The following GOLGB1 variants were observed in gnomAD, a reference collection of about 807,000 sequenced individuals.
GOLGB1 encodes the protein golgin B1.
A neutral mutation model predicts 336.9 loss-of-function variants in GOLGB1; 174 were observed. That is an observed-to-expected ratio of 0.52 (90% confidence interval 0.46 to 0.59). GOLGB1 has a LOEUF of 0.59. Among genes scored for constraint, GOLGB1 ranks in the 20% least tolerant of loss-of-function variants. GOLGB1 has a pLI of 0.00. For missense variants in GOLGB1, 3,331 were observed against 3,645.3 expected (o/e 0.91, Z 2.22); for synonymous variants, 1,208 against 1,289.2 (o/e 0.94, Z 1.35).
chr3:121,744,441 C>CAAAAAAAA (rs11290154), intron 1 of GOLGB1, among the ~76,000 whole-genome samples: 2 of 73,096 alleles, frequency 2.7e-5, no homozygotes, highest in African/African-American at 5.3e-5. Context: ...ACTGTCTCTA[C>CAAAAAAAA]AAAAAAAAAA....
At chr3:121,683,230 C>T (rs1438432728) in intron 14 of GOLGB1, among the ~76,000 whole-genome samples, 1 of 151,562 alleles carries the variant, frequency 6.6e-6, no homozygotes, top group Non-Finnish European at 1.5e-5. Flanking sequence ...TAGGTACCCT[C>T]TTCAGCTCCA....
chr3:121,732,184 A>G (rs1272521027), intron 1 of GOLGB1, among the ~76,000 whole-genome samples: 1 of 152,184 alleles, frequency 6.6e-6, no homozygotes, highest in Non-Finnish European at 1.5e-5. Context: ...AGACACACAC[A>G]CACATATATA....
chr3:121,727,320 ATTTTTTTT>A lies in GOLGB1; in HGVS notation c.403-287_403-280del, dbSNP rs869189384. Among the ~76,000 whole-genome samples, 11 of 28,632 alleles carry A rather than the reference ATTTTTTTT, an allele frequency of 3.8e-4. 1 individual carries two copies. The highest frequency in any genetic ancestry group is 1.2e-3 in the African/African-American group (9 of 7,736). 18.8% of individuals were successfully genotyped at this position (28,632 alleles called of 152,430 possible). ...TATATATATATATATATATATATAT[ATTTTTTTT>A]TTTTTTTTTTTTTTTTTTTTCCCTC... On this transcript the variant is annotated intron_variant, in intron 4 of 21. Coordinates refer to ENST00000614479, the MANE Select transcript of GOLGB1 (RefSeq NM_001366282.2).
intron 1 of GOLGB1, among the ~76,000 whole-genome samples, chr3:121,732,265 G>A (rs1010491930): frequency 2.0e-5 from 3 of 152,096 alleles, no homozygotes; most frequent in African/African-American, 7.2e-5. Flanking sequence ...TCCAGATCAA[G>A]GTGGCTTCAT....
At chr3:121,706,147 A>G (rs551179993) in intron 10 of GOLGB1, among the ~76,000 whole-genome samples, 20 of 152,234 alleles carry the variant, frequency 1.3e-4, no homozygotes, top group Admixed American at 1.1e-3. Flanking sequence ...CAAAAAAAAA[A>G]AAAAATTAAA....
At position 121,677,434 on chromosome 3, in the gene GOLGB1, A is replaced by G. The variant is rs1325443468; in HGVS notation, c.8890T>C (p.Trp2964Arg). 1.2e-6 allele frequency: 2 copies of G among 1,608,750 alleles called. No individual in the cohort carries two copies. The highest frequency in any genetic ancestry group is 1.7e-4 in the Middle Eastern group (1 of 6,050). Residue 2964 changes from tryptophan to arginine, a missense_variant, in exon 16 of 22, where the codon TGG (tryptophan) becomes CGG (arginine). By Grantham distance (101) the Trp-to-Arg change is moderately radical. Coordinates refer to ENST00000614479, the MANE Select transcript of GOLGB1 (RefSeq NM_001366282.2). ...LHQLRMEKSS[W>R]EIHERRMKEQ... Reference sequence around the variant, plus strand: ...TTCATTCTCCTCTCATGTATTTCCCAGGAACTCTTCTCCATCCTAGAAAAA... The same window carrying G: ...TTCATTCTCCTCTCATGTATTTCCCGGGAACTCTTCTCCATCCTAGAAAAA...
intron 10 of GOLGB1, among the ~76,000 whole-genome samples, chr3:121,706,967 C>T (rs9863007): frequency 0.12 from 17,934 of 151,670 alleles, 1,163 homozygotes; most frequent in East Asian, 0.24. Flanking sequence ...AATCCCAGCA[C>T]TTTGGGAGGC....
chr3:121,681,122 T>C (rs1207323861), intron 15 of GOLGB1, among the ~76,000 whole-genome samples: 3 of 152,318 alleles, frequency 2.0e-5, no homozygotes, highest in Admixed American at 1.3e-4. Context: ...ATATTCATAA[T>C]ATGAAACATT....
At chr3:121,676,030 C>A (rs963924821) in intron 17 of GOLGB1, among the ~76,000 whole-genome samples, 14 of 152,302 alleles carry the variant, frequency 9.2e-5, no homozygotes, top group African/African-American at 3.4e-4. Context: ...TTTGAAAACT[C>A]CCAGACAAAT....
Position 121,693,833 on chromosome 3 carries a change from T to A in GOLGB1, c.6690A>T (p.Glu2230Asp). 6.2e-7 allele frequency: 1 copy of A among 1,612,522 alleles called. No homozygotes were observed. ...FSDAIQSKEEEIRLKEDNCSV... is the reference protein window; with the variant it reads ...FSDAIQSKEEDIRLKEDNCSV... ...TGCAATTATCTTCTTTGAGTCTAAT[T>A]TCTTCTTCTTTGCTTTGAATCGCAT... is the stretch of plus-strand genomic sequence containing the variant. The change falls in exon 13 of 22, where the codon GAA (glutamate) becomes GAT (aspartate). Residue 2230 changes from glutamate (E) to aspartate (D), a missense_variant. By Grantham distance (45) the Glu-to-Asp change is conservative. Coordinates refer to ENST00000614479, the MANE Select transcript of GOLGB1 (RefSeq NM_001366282.2).
chr3:121,690,364 C>G (rs2107769726), intron 14 of GOLGB1, among the ~76,000 whole-genome samples: 1 of 152,266 alleles, frequency 6.6e-6, no homozygotes, highest in South Asian at 2.1e-4. Flanking sequence ...GAAACATTTA[C>G]ACATGTCTTT....
Position 121,698,003 on chromosome 3 carries a change from GCTT to G in GOLGB1, c.2517_2519del (p.Arg839del). 6.2e-7 allele frequency: 1 copy of G among 1,614,014 alleles called. No individual in the cohort carries two copies. Among genetic ancestry groups the G allele is most frequent in the South Asian group, 1.1e-5 (1 of 91,076 alleles). On this transcript the variant is annotated inframe_deletion, in exon 13 of 22. Transcript: ENST00000614479. ...CCTTATTTTGCAGCTGGCTTTGCAGGCTTCTTATCAGGGTACTCTGCTCAGAAA... is the reference window on the plus strand; with the variant it reads ...CCTTATTTTGCAGCTGGCTTTGCAGGCTTATCAGGGTACTCTGCTCAGAAA...
chr3:121,673,101 G>T (rs1374641137), intron 17 of GOLGB1, among the ~76,000 whole-genome samples: 1 of 148,016 alleles, frequency 6.8e-6, no homozygotes, highest in Non-Finnish European at 1.5e-5. Flanking sequence ...ACGGAGTCTC[G>T]CTCTGTCACC....
intron 1 of GOLGB1, among the ~76,000 whole-genome samples, chr3:121,741,136 CA>C (rs1946825081): frequency 6.6e-6 from 1 of 151,970 alleles, no homozygotes; most frequent in Non-Finnish European, 1.5e-5. Context: ...ATAAAAAACA[CA>C]GACAAAATGT....
chr3:121,714,127 G>A (rs1050663029), intron 10 of GOLGB1, among the ~76,000 whole-genome samples: 3 of 152,124 alleles, frequency 2.0e-5, no homozygotes, highest in African/African-American at 4.8e-5. Context: ...GAAACCAAGA[G>A]GCAAAAATTT....
Position 121,663,726 on chromosome 3 carries a change from C to G in GOLGB1, c.*754G>C, listed in dbSNP as rs541160586. On this transcript the variant is annotated 3_prime_UTR_variant, in exon 22 of 22. Transcript: ENST00000614479. ...TTCCTGGAATGACAAGAATTGGAAC[C>G]CTGCTGTCCATAGACACTTCTCCCT... 1 of 152,248 alleles carries G rather than the reference C, an allele frequency of 6.6e-6. No individual in the cohort carries two copies. Among genetic ancestry groups the G allele is most frequent in the African/African-American group, 2.4e-5 (1 of 41,538 alleles). 9.4% of individuals were successfully genotyped at this position (152,248 alleles called of 1,614,324 possible).
At chr3:121,739,724 G>A (rs1339740841) in intron 1 of GOLGB1, among the ~76,000 whole-genome samples, 1 of 152,032 alleles carries the variant, frequency 6.6e-6, no homozygotes, top group African/African-American at 2.4e-5. Context: ...ATTTATCTTA[G>A]AGAAAAGAAA....
At chr3:121,729,489 C>T in intron 3 of GOLGB1, 149 bp from the exon 4 acceptor site, 1 of 659,184 alleles carries the variant, frequency 1.5e-6, no homozygotes, top group East Asian at 2.8e-5. Flanking sequence ...TCACAACTCA[C>T]TGCAGCCTCT....
chr3:121,725,750 T>C (rs568580974), intron 5 of GOLGB1, among the ~76,000 whole-genome samples: 4 of 152,184 alleles, frequency 2.6e-5, no homozygotes, highest in East Asian at 1.9e-4. Flanking sequence ...AACTCAGCAA[T>C]GGATTAACAC....
Sources: allele counts gnomAD v4.1 joint callset (sites outside exome capture counted in the v4.1 genomes callset), GRCh38; gene constraint gnomAD v4.1.1; transcripts MANE v1.5; gene names NCBI Gene and HGNC (gene_info 2026-07-23, HGNC 2026-07-21).